The following ZIM3 variants were observed in gnomAD, a reference collection of about 807,000 sequenced individuals.
The protein encoded by ZIM3 is zinc finger imprinted 3, also known as zinc finger protein 657.
In ZIM3, 11 loss-of-function variants were observed where a neutral mutation model predicts 12.9. The observed-to-expected ratio is 0.85, with a 90% confidence interval of 0.54 to 1.41. The LOEUF is 1.41. ZIM3 is among the 40% of genes most tolerant of loss of function. ZIM3 has a pLI of 0.00. For synonymous variants in ZIM3, 205 were observed against 198.5 expected, an observed-to-expected ratio of 1.03 and a Z score of -0.28; for missense variants, 604 against 557.2, an observed-to-expected ratio of 1.08 and a Z score of -0.85.
Position 57,135,420 on chromosome 19 carries a change from G to A in ZIM3, c.917C>T (p.Pro306Leu), listed in dbSNP as rs1285070832. The A allele has an allele frequency of 4.3e-6, 7 of 1,614,118 alleles. No individual in the cohort carries two copies. The highest frequency in any genetic ancestry group is 5.9e-6 in the Non-Finnish European group (7 of 1,180,024). The change falls in exon 5 of 5, where the codon CCC (proline) becomes CTC (leucine). Residue 306 changes from proline to leucine, a missense_variant. Transcript: ENST00000269834. Reference protein sequence around the residue: ...QHKKVHTGQKPFQCTDCGKAF... With the variant: ...QHKKVHTGQKLFQCTDCGKAF... ...CTTTCCACAGTCCGTACATTGAAAG[G>A]GTTTTTGTCCAGTGTGAACTTTTTT... is the stretch of plus-strand genomic sequence containing the variant.
intron 1 of ZIM3, among the ~76,000 whole-genome samples, chr19:57,144,573 CATAA>C (rs1423635635): frequency 6.6e-6 from 1 of 152,014 alleles, no homozygotes; most frequent in Non-Finnish European, 1.5e-5. Flanking sequence ...CATTGTACCC[CATAA>C]ATAAACACAA....
Position 57,136,874 on chromosome 19 carries a change from T to C in ZIM3, c.240A>G (p.Ala80=), listed in dbSNP as rs771140327. Residue 80 remains alanine (A), a splice_region_variant and synonymous_variant, in exon 4 of 5, where the codon GCA becomes GCG. Transcript: ENST00000269834. ...EEEEVLGSGR[A]EKNGDIGGQI... ...CACAGTGCTCTCCTGGTCACCTACC[T>C]GCACGGCCACTTCCCAGCACTTCCT... The C allele has an allele frequency of 3.0e-5, 48 of 1,613,948 alleles. 1 individual carries two copies. The South Asian group carries it at 4.2e-4, about 14-fold the overall frequency.
chr19:57,135,002 T>A lies in ZIM3; in HGVS notation c.1335A>T (p.Lys445Asn). The A allele has an allele frequency of 6.2e-7, 1 of 1,614,040 alleles. No individual in the cohort carries two copies. Among genetic ancestry groups the A allele is most frequent in the Non-Finnish European group, 8.5e-7 (1 of 1,180,008 alleles). The change falls in exon 5 of 5, where the codon AAA becomes AAT. Residue 445 changes from lysine to asparagine, a missense_variant. By Grantham distance (94) the Lys-to-Asn change is moderately conservative. Coordinates refer to ENST00000269834, the MANE Select transcript of ZIM3 (RefSeq NM_052882.1). ...SLHKKTHTGQ[K>N]PYGCSECGKA... is the part of the protein sequence containing the mutation. ...TACCGCATTCAGAACATCCATAAGG[T>A]TTTTGTCCAGTATGGGTTTTTTTAT...
intron 3 of ZIM3, 85 bp from the exon 4 acceptor site, chr19:57,137,056 G>T (rs141440246): frequency 1.6e-6 from 2 of 1,246,110 alleles, no homozygotes; most frequent in Non-Finnish European, 2.4e-6. Flanking sequence ...AAGCGCTTGC[G>T]TATGCTTGTG....
chr19:57,136,028 T>A lies in ZIM3; in HGVS notation c.309A>T (p.Glu103Asp), dbSNP rs1339175608. Residue 103 changes from glutamate (E) to aspartate (D), a missense_variant, in exon 5 of 5, where the codon GAA becomes GAT. Coordinates refer to ENST00000269834, the MANE Select transcript of ZIM3 (RefSeq NM_052882.1). Reference protein sequence around the residue: ...PKDVKESLAREVPSINKETLT... With the variant: ...PKDVKESLARDVPSINKETLT... ...GCGTTTCCTTATTGATTGATGGGAC[T>A]TCTCTTGCGAGACTCTCTTTCACAT... 6.2e-7 allele frequency: 1 copy of A among 1,614,202 alleles called. No homozygotes were observed. Among genetic ancestry groups the A allele is most frequent in the Admixed American group, 1.7e-5 (1 of 60,020 alleles).
Position 57,134,729 on chromosome 19 carries a change from T to A in ZIM3, c.*189A>T. On this transcript the variant is annotated 3_prime_UTR_variant, in exon 5 of 5. Coordinates refer to ENST00000269834, the MANE Select transcript of ZIM3 (RefSeq NM_052882.1). ...TTCCTGGTACACAAAAGGCATCTAA[T>A]AAATATTTATACTTAATAAACATTT... 1.7e-6 allele frequency: 1 copy of A among 577,824 alleles called. No homozygotes were observed. Among genetic ancestry groups the A allele is most frequent in the East Asian group, 2.9e-5 (1 of 34,796 alleles). 35.8% of individuals were successfully genotyped at this position (577,824 alleles called of 1,614,324 possible). A position where few individuals can be genotyped will look rare whatever the true frequency, so the allele number is the denominator to read the frequency against.
In ZIM3 at chr19:57,135,410, A is replaced by T; in HGVS notation, c.927T>A (p.Cys309Ter). 1 of 1,614,140 alleles carries T rather than the reference A, an allele frequency of 6.2e-7. No individual in the cohort carries two copies. The highest frequency in any genetic ancestry group is 8.5e-7 in the Non-Finnish European group (1 of 1,180,024). Reference sequence around the variant, plus strand: ...AAATGAAAGCCTTTCCACAGTCCGTACATTGAAAGGGTTTTTGTCCAGTGT... The same window carrying T: ...AAATGAAAGCCTTTCCACAGTCCGTTCATTGAAAGGGTTTTTGTCCAGTGT... ...KVHTGQKPFQ[C>*]TDCGKAFIYK... is the part of the protein sequence containing the mutation. Residue 309 changes from cysteine (C) to a stop codon, truncating the protein, a stop_gained, in exon 5 of 5, where the codon TGT (cysteine) becomes TGA (stop). Transcript: ENST00000269834. LOFTEE classifies it low-confidence loss of function (END_TRUNC).
intron 2 of ZIM3, among the ~76,000 whole-genome samples, chr19:57,140,517 C>T (rs2122667838): frequency 6.6e-6 from 1 of 151,664 alleles, no homozygotes; most frequent in East Asian, 2.0e-4. Flanking sequence ...CTCTGCCACC[C>T]AGGCTGGAGT....
At chr19:57,142,830 T>C in intron 1 of ZIM3, 145 bp from the exon 2 acceptor site, 1 of 566,186 alleles carries the variant, frequency 1.8e-6, no homozygotes, top group Non-Finnish European at 3.1e-6. Flanking sequence ...AGTGATCCCC[T>C]TCTGAAGGTC....
rs567315700 is a variant in ZIM3 at position 57,141,336 on chromosome 19, G to A, written c.15+1293C>T. On this transcript the variant is annotated intron_variant, in intron 2 of 4. Coordinates refer to ENST00000269834, the MANE Select transcript of ZIM3 (RefSeq NM_052882.1). ...GAATCGCTTGAACCTGGGAGGTGGA[G>A]GTTGCAGTGAGCCAAGATCAAGCCA... 4.6e-5 allele frequency among the ~76,000 whole-genome samples: 7 copies of A among 150,990 alleles called. No individual in the cohort carries two copies. The South Asian group carries it at 1.3e-3, about 27-fold the overall frequency.
At chr19:57,143,715 G>A (rs185521658) in intron 1 of ZIM3, among the ~76,000 whole-genome samples, 1 of 145,388 alleles carries the variant, frequency 6.9e-6, no homozygotes, top group Non-Finnish European at 1.5e-5. Flanking sequence ...TTGCTCTGTC[G>A]CCCAGGCTGG....
Position 57,134,368 on chromosome 19 carries a change from C to T in ZIM3, c.*550G>A, listed in dbSNP as rs112482533. The T allele has an allele frequency of 7.8e-4, 119 of 152,994 alleles. 1 individual carries two copies. The highest frequency in any genetic ancestry group is 2.5e-3 in the African/African-American group (106 of 41,572). 9.5% of individuals were successfully genotyped at this position (152,994 alleles called of 1,614,324 possible). A position where few individuals can be genotyped will look rare whatever the true frequency, so the allele number is the denominator to read the frequency against. ...AATATTGGCTCACTGCAACCTCTAC[C>T]TCCCAGGTTCAAGCAATTCTCCTGC... On this transcript the variant is annotated 3_prime_UTR_variant, in exon 5 of 5. Coordinates refer to ENST00000269834, the MANE Select transcript of ZIM3 (RefSeq NM_052882.1).
intron 2 of ZIM3, among the ~76,000 whole-genome samples, chr19:57,141,554 G>C (rs2086914194): frequency 6.6e-6 from 1 of 151,888 alleles, no homozygotes; most frequent in Non-Finnish European, 1.5e-5. Context: ...CGCTGTTAAA[G>C]CTTGAAACCT....
At chr19:57,137,084 G>A (rs372867439) in intron 3 of ZIM3, 113 bp from the exon 4 acceptor site, 2 of 998,506 alleles carry the variant, frequency 2.0e-6, no homozygotes, top group South Asian at 1.4e-5. Flanking sequence ...TTGTGTGTGA[G>A]TGTGAGCATT....
At position 57,135,253 on chromosome 19, in the gene ZIM3, C is replaced by T. The variant is rs1243870821; in HGVS notation, c.1084G>A (p.Ala362Thr). The change falls in exon 5 of 5, where the codon GCT (alanine) becomes ACT (threonine). Residue 362 changes from alanine to threonine, a missense_variant. Ala to Thr is a moderately conservative substitution (Grantham distance 58). Transcript: ENST00000269834. ...DHEKIHTGKR[A>T]YECDLCGNTF... is the part of the protein sequence containing the mutation. Reference sequence around the variant, plus strand: ...TTTCCACATAGATCACACTCATAAGCTCTCTTCCCAGTGTGAATTTTCTCA... The same window carrying T: ...TTTCCACATAGATCACACTCATAAGTTCTCTTCCCAGTGTGAATTTTCTCA... The T allele has an allele frequency of 6.2e-7, 1 of 1,614,068 alleles. No homozygotes were observed. The highest frequency in any genetic ancestry group is 1.7e-5 in the Admixed American group (1 of 60,010).
In ZIM3 at chr19:57,144,545, A is replaced by G. The variant is rs187478610; in HGVS notation, c.-43+314T>C. Among the ~76,000 whole-genome samples the G allele has an allele frequency of 1.1e-3, 173 of 152,264 alleles. 1 individual carries two copies. The highest frequency in any genetic ancestry group is 0.011 in the Admixed American group (167 of 15,286). On this transcript the variant is annotated intron_variant, in intron 1 of 4. Coordinates refer to ENST00000269834, the MANE Select transcript of ZIM3 (RefSeq NM_052882.1). ...TGATTTAATCATCCCCCCAATGTAA[A>G]CATGTATCAAAACATCACATTGTAC...
At chr19:57,139,702 G>A (rs940618276) in intron 2 of ZIM3, among the ~76,000 whole-genome samples, 23 of 152,186 alleles carry the variant, frequency 1.5e-4, no homozygotes, top group African/African-American at 5.3e-4. Context: ...ACTCCAGCCT[G>A]GGTGACAGTG....
rs144869981 is a variant in ZIM3 at position 57,138,112 on chromosome 19, CAGGGAGGG to C, written c.142+352_142+359del. On this transcript the variant is annotated intron_variant, in intron 3 of 4. Coordinates refer to ENST00000269834, the MANE Select transcript of ZIM3 (RefSeq NM_052882.1). ...GTAGGAAGGGAGGAAGGGAAGGAGGCAGGGAGGGAGGGAGGGAGGGAGGGAGGGAAGGA... is the reference window on the plus strand; with the variant it reads ...GTAGGAAGGGAGGAAGGGAAGGAGGCAGGGAGGGAGGGAGGGAGGGAAGGA... Among the ~76,000 whole-genome samples the C allele has an allele frequency of 5.6e-4, 7 of 12,582 alleles. 1 individual carries two copies. Among genetic ancestry groups the C allele is most frequent in the Non-Finnish European group, 8.9e-4 (5 of 5,644 alleles). The allele number at this position is 12,582 out of a possible 152,430, so 8.3% of individuals were successfully genotyped here.
chr19:57,139,400 C>A (rs908584821), intron 2 of ZIM3, among the ~76,000 whole-genome samples: 3 of 151,628 alleles, frequency 2.0e-5, no homozygotes, highest in African/African-American at 7.3e-5. Flanking sequence ...TTCCATTTTT[C>A]TTTAAGACAT....
Sources: allele counts gnomAD v4.1 joint callset (sites outside exome capture counted in the v4.1 genomes callset), GRCh38; gene constraint gnomAD v4.1.1; transcripts MANE v1.5; gene names NCBI Gene and HGNC (gene_info 2026-07-23, HGNC 2026-07-21).